The following SGSM1 variants were observed in gnomAD, a reference collection of about 807,000 sequenced individuals.
SGSM1 encodes the protein small G protein signaling modulator 1, also known as RUN and TBC1 domain containing 2.
A neutral mutation model predicts 133.8 loss-of-function variants in SGSM1; 73 were observed. The observed-to-expected ratio is 0.55, with a 90% CI of 0.45 to 0.66. The LOEUF (loss-of-function observed/expected upper bound fraction) is 0.66, where lower values mean the gene tolerates loss of function less well. SGSM1 is among the 30% of genes least tolerant of loss of function. The pLI, the probability that SGSM1 is intolerant of heterozygous loss-of-function variation, is 0.00. For missense variants in SGSM1, 1,213 were observed against 1,448.1 expected (o/e 0.84, Z 2.64); for synonymous variants, 563 against 573.0 (o/e 0.98, Z 0.25).
intron 3 of SGSM1, among the ~76,000 whole-genome samples, chr22:24,845,946 TTTCTTTCTTTC>T (rs1323303501): frequency 0.013 from 518 of 39,376 alleles, 5 homozygotes; most frequent in East Asian, 0.022. Flanking sequence ...TTTTCTTTTC[TTTCTTTCTTTC>T]TTTCTTTCTT....
At chr22:24,860,897 TAAAAAAA>T (rs554853690) in intron 9 of SGSM1, among the ~76,000 whole-genome samples, 23 of 43,866 alleles carry the variant, frequency 5.2e-4, no homozygotes, top group African/African-American at 1.3e-3. Flanking sequence ...GAGACTGTCT[TAAAAAAA>T]AAAAAAAAAA....
At chr22:24,828,986 GA>G (rs1306903069) in intron 2 of SGSM1, among the ~76,000 whole-genome samples, 2 of 152,138 alleles carry the variant, frequency 1.3e-5, no homozygotes, top group African/African-American at 4.8e-5. Context: ...GAGGCTAGGA[GA>G]TCGAGACAAT....
At chr22:24,848,131 GGTTT>G (rs958497867) in intron 4 of SGSM1, among the ~76,000 whole-genome samples, 1 of 151,722 alleles carries the variant, frequency 6.6e-6, no homozygotes, top group African/African-American at 2.4e-5. Flanking sequence ...ATTCATGTCA[GGTTT>G]GTTTGTTTGT....
chr22:24,886,687 G>A lies in SGSM1; in HGVS notation c.1729G>A (p.Gly577Ser). ...IRKAVWPFLL[G>S]HYQFGMTETE... ...CAAGGCCGTGTGGCCCTTCCTCCTG[G>A]GCCACTACCAGTTCGGGATGACGGA... Residue 577 changes from glycine (G) to serine (S), a missense_variant, in exon 16 of 25, where the codon GGC becomes AGC. Transcript: ENST00000400358. 1 of 1,577,868 alleles carries A rather than the reference G, an allele frequency of 6.3e-7. No individual in the cohort carries two copies. Among genetic ancestry groups the A allele is most frequent in the African/African-American group, 1.3e-5 (1 of 74,238 alleles).
At chr22:24,860,779 A>G (rs1931078862) in intron 9 of SGSM1, among the ~76,000 whole-genome samples, 1 of 150,604 alleles carries the variant, frequency 6.6e-6, no homozygotes, top group South Asian at 2.1e-4. Context: ...ACACACCTGT[A>G]GTCCCAGCTA....
chr22:24,895,619 C>A (rs150740316), intron 18 of SGSM1, among the ~76,000 whole-genome samples: 3 of 152,242 alleles, frequency 2.0e-5, no homozygotes, highest in African/African-American at 7.2e-5. Flanking sequence ...TATACATACA[C>A]AGAAATATAT....
At chr22:24,864,294 C>T (rs559233318) in intron 9 of SGSM1, among the ~76,000 whole-genome samples, 31 of 152,266 alleles carry the variant, frequency 2.0e-4, no homozygotes, top group Middle Eastern at 3.4e-3. Flanking sequence ...TACCTTGTGA[C>T]CCAGCAATTC....
intron 12 of SGSM1, chr22:24,874,327 C>A (rs1931914592): frequency 2.9e-6 from 4 of 1,385,674 alleles, no homozygotes; most frequent in Non-Finnish European, 2.9e-6. Context: ...GGGTTGGAGC[C>A]CCCAGAAACT....
At chr22:24,882,915 T>G (rs980795787) in intron 14 of SGSM1, among the ~76,000 whole-genome samples, 4 of 151,918 alleles carry the variant, frequency 2.6e-5, no homozygotes, top group Non-Finnish European at 5.9e-5. Flanking sequence ...TCTTTTTTTT[T>G]GAGACAGAGT....
intron 7 of SGSM1, 39 bp from the exon 8 acceptor site, chr22:24,855,510 C>A (rs16979089): frequency 6.2e-7 from 1 of 1,613,432 alleles, no homozygotes; most frequent in African/African-American, 1.3e-5. Flanking sequence ...GAAAATCACC[C>A]CAGGCCTCAT....
chr22:24,812,801 G>C (rs9612772), intron 2 of SGSM1, among the ~76,000 whole-genome samples: 2 of 151,876 alleles, frequency 1.3e-5, no homozygotes, highest in East Asian at 1.9e-4. Flanking sequence ...CCCCACTTCC[G>C]TTCTTCCTTC....
intron 8 of SGSM1, among the ~76,000 whole-genome samples, chr22:24,856,772 T>C (rs940058006): frequency 2.2e-4 from 33 of 151,112 alleles, no homozygotes; most frequent in African/African-American, 7.5e-4. Context: ...TCTTTTCTTT[T>C]TTTTTTTTTT....
chr22:24,857,058 G>A (rs1456367688), intron 8 of SGSM1, among the ~76,000 whole-genome samples: 1 of 151,652 alleles, frequency 6.6e-6, no homozygotes. Context: ...GTGAGCCACT[G>A]CACCCAGCTA....
intron 18 of SGSM1, among the ~76,000 whole-genome samples, chr22:24,897,120 C>G (rs1392731166): frequency 6.6e-6 from 1 of 152,100 alleles, no homozygotes; most frequent in Admixed American, 6.5e-5. Flanking sequence ...TGGCTCACGC[C>G]TGTAATCACA....
chr22:24,907,096 C>A (rs1933412143), intron 21 of SGSM1, among the ~76,000 whole-genome samples: 1 of 151,070 alleles, frequency 6.6e-6, no homozygotes, highest in African/African-American at 2.4e-5. Flanking sequence ...CCTGTCTCTA[C>A]TAAAAATACA....
At chr22:24,821,501 CAG>C (rs1394217032) in intron 2 of SGSM1, among the ~76,000 whole-genome samples, 7 of 152,162 alleles carry the variant, frequency 4.6e-5, no homozygotes, top group African/African-American at 1.7e-4. Flanking sequence ...AGGCCAGGGA[CAG>C]AGTGTTCCCC....
At chr22:24,847,890 C>G in intron 4 of SGSM1, 94 bp downstream of exon 4, 1 of 1,456,030 alleles carries the variant, frequency 6.9e-7, no homozygotes, top group South Asian at 1.4e-5. Context: ...CCCTAGCACT[C>G]TTTTCAGTCT....
rs36036968 is a variant in SGSM1 at position 24,877,802 on chromosome 22, C to CTTTTTTTTTT, written c.1430+1104_1430+1113dup. Among the ~76,000 whole-genome samples, 87 of 75,418 alleles carry CTTTTTTTTTT rather than the reference C, an allele frequency of 1.2e-3. 6 individuals are homozygous for CTTTTTTTTTT. Among genetic ancestry groups the CTTTTTTTTTT allele is most frequent in the South Asian group, 2.1e-3 (4 of 1,918 alleles). 49.5% of individuals were successfully genotyped at this position (75,418 alleles called of 152,430 possible). A position where few individuals can be genotyped will look rare whatever the true frequency, so the allele number is the denominator to read the frequency against. ...TAATATTACTGGAGATTCTTTCTTTCTTTTTTTTTTTTTTTTTTTTTTTTT... is the reference window on the plus strand; with the variant it reads ...TAATATTACTGGAGATTCTTTCTTTCTTTTTTTTTTTTTTTTTTTTTTTTTTTTTTTTTTT... On this transcript the variant is annotated intron_variant, in intron 13 of 24. Transcript: ENST00000400358.
intron 20 of SGSM1, 136 bp downstream of exon 20, chr22:24,902,093 C>T (rs969577785): frequency 1.0e-4 from 94 of 927,238 alleles, no homozygotes; most frequent in Admixed American, 1.0e-4. Flanking sequence ...ACTTAGCCCA[C>T]AGTGAAAATT....
Sources: gnomAD v4.1 joint callset for allele counts (sites outside exome capture counted in the v4.1 genomes callset) on GRCh38, gnomAD v4.1.1 for gene constraint, MANE v1.5 for transcripts, NCBI Gene and HGNC (gene_info 2026-07-23, HGNC 2026-07-21) for gene names.